The following BLM variants were observed in gnomAD, a reference collection of about 807,000 sequenced individuals.
BLM encodes the protein recQ-like DNA helicase BLM.
BLM carries 95 observed loss-of-function variants against 135.3 expected under a neutral mutation model. The ratio of observed to expected loss-of-function variants is 0.70; its 90% CI spans 0.59 to 0.83. The LOEUF (loss-of-function observed/expected upper bound fraction) is 0.83, where lower values mean the gene tolerates loss of function less well. Ranked by LOEUF, BLM falls within the 40% of genes least tolerant of loss-of-function variation. The pLI, the probability that BLM is intolerant of heterozygous loss-of-function variation, is 0.00. For synonymous variants in BLM, 520 were observed against 589.2 expected (o/e 0.88, Z 1.70); for missense variants, 1,518 against 1,663.9 (o/e 0.91, Z 1.53).
At chr15:90,730,261 T>G (rs1284993802) in intron 1 of BLM, among the ~76,000 whole-genome samples, 1 of 152,212 alleles carries the variant, frequency 6.6e-6, no homozygotes, top group Non-Finnish European at 1.5e-5. Context: ...ACACGCCTTT[T>G]ATTTATTGTT....
intron 20 of BLM, among the ~76,000 whole-genome samples, chr15:90,810,770 A>T (rs756057189): frequency 6.6e-6 from 1 of 152,216 alleles, no homozygotes; most frequent in Non-Finnish European, 1.5e-5. Context: ...AAGATGAGAT[A>T]CAGGACCGTT....
chr15:90,750,394 C>G (rs988030730), intron 3 of BLM, among the ~76,000 whole-genome samples: 1 of 152,162 alleles, frequency 6.6e-6, no homozygotes, highest in African/African-American at 2.4e-5. Context: ...TATTGCATCA[C>G]TTCTCTTGCG....
chr15:90,773,274 A>C (rs1466000293), intron 12 of BLM, among the ~76,000 whole-genome samples: 1 of 151,194 alleles, frequency 6.6e-6, no homozygotes, highest in Non-Finnish European at 1.5e-5. Flanking sequence ...ATAAAAATTA[A>C]CCAGGTGTGG....
chr15:90,800,006 G>T (rs1384158064), intron 17 of BLM, among the ~76,000 whole-genome samples: 1 of 152,210 alleles, frequency 6.6e-6, no homozygotes, highest in Admixed American at 6.5e-5. Context: ...TAAGTGTGGT[G>T]TGAAGTCTTA....
intron 19 of BLM, among the ~76,000 whole-genome samples, chr15:90,806,918 C>T (rs1483474605): frequency 6.6e-6 from 1 of 152,110 alleles, no homozygotes; most frequent in Non-Finnish European, 1.5e-5. Flanking sequence ...TGACACAGTG[C>T]TTTTATTGAA....
At chr15:90,795,303 AC>A (rs1426914155) in intron 16 of BLM, among the ~76,000 whole-genome samples, 28 of 152,310 alleles carry the variant, frequency 1.8e-4, no homozygotes, top group African/African-American at 6.5e-4. Context: ...ACATGGTGAA[AC>A]CTTGTCTCTA....
At chr15:90,782,951 C>T in intron 13 of BLM, 23 bp downstream of exon 13, 1 of 1,550,762 alleles carries the variant, frequency 6.4e-7, no homozygotes, top group Non-Finnish European at 8.9e-7. Context: ...ATGTGATTAG[C>T]TGTCTAGAAG....
Position 90,761,171 on chromosome 15 carries a change from C to T in BLM, c.1798C>T (p.Leu600Phe), listed in dbSNP as rs1466022684. The T allele has an allele frequency of 6.5e-7, 1 of 1,530,094 alleles. No individual in the cohort carries two copies. Among genetic ancestry groups the T allele is most frequent in the East Asian group, 2.3e-5 (1 of 44,304 alleles). 94.8% of individuals were successfully genotyped at this position (1,530,094 alleles called of 1,614,324 possible). ...GRPIKSVSER[L>F]SSAKTDCLPV... ...GCCAATTAAATCAGTATCAGAAAGA[C>T]TTTCCTCAGCCAAGACAGACTGTCT... The change falls in exon 7 of 22, where the codon CTT becomes TTT. Residue 600 changes from leucine to phenylalanine, a missense_variant. Physicochemically the swap from Leu to Phe is conservative, Grantham distance 22. Transcript: ENST00000355112.
chr15:90,758,010 T>C (rs1395752429), intron 5 of BLM, among the ~76,000 whole-genome samples: 5 of 151,686 alleles, frequency 3.3e-5, no homozygotes, highest in Non-Finnish European at 5.9e-5. Flanking sequence ...GCCTCCTGAG[T>C]AGCTGGGACT....
At chr15:90,757,379 C>T (rs1377614385) in intron 5 of BLM, among the ~76,000 whole-genome samples, 2 of 152,148 alleles carry the variant, frequency 1.3e-5, no homozygotes, top group Admixed American at 6.5e-5. Flanking sequence ...GACAAGGAGT[C>T]TTGGGCTAGT....
intron 12 of BLM, among the ~76,000 whole-genome samples, chr15:90,777,527 G>A (rs1896511977): frequency 6.6e-6 from 1 of 152,114 alleles, no homozygotes; most frequent in African/African-American, 2.4e-5. Flanking sequence ...GCAACAAGCT[G>A]AGCTCTAATT....
chr15:90,751,957 TA>T lies in BLM; in HGVS notation c.959+14del, dbSNP rs1225306934. 1 of 1,589,840 alleles carries T rather than the reference TA, an allele frequency of 6.3e-7. No homozygotes were observed. The highest frequency in any genetic ancestry group is 1.1e-5 in the South Asian group (1 of 90,474). On this transcript the variant is annotated intron_variant, in intron 4 of 21. Coordinates refer to ENST00000355112, the MANE Select transcript of BLM (RefSeq NM_000057.4). ...TTCAAAATGCCTTAGGTAAACTAGC[TA>T]AATAATTAGCATTATTATTTGTTTC...
At chr15:90,787,077 TCTCA>T (rs1477569635) in intron 14 of BLM, among the ~76,000 whole-genome samples, 1 of 107,750 alleles carries the variant, frequency 9.3e-6, no homozygotes, top group African/African-American at 3.8e-5. Flanking sequence ...GAGACGGGAG[TCTCA>T]CTCTGTCGCC....
chr15:90,811,200 T>C lies in BLM; in HGVS notation c.3875-5T>C, dbSNP rs1596273395. ...CCTGTAAACATCTGCATTTTCCATTTGTAGCTGAAGACAGTTCCCCAGGGA... is the reference window on the plus strand; with the variant it reads ...CCTGTAAACATCTGCATTTTCCATTCGTAGCTGAAGACAGTTCCCCAGGGA... On this transcript the variant is annotated splice_region_variant and splice_polypyrimidine_tract_variant and intron_variant, in intron 20 of 21. Transcript: ENST00000355112. The C allele has an allele frequency of 1.2e-6, 2 of 1,612,848 alleles. No individual in the cohort carries two copies. Among genetic ancestry groups the C allele is most frequent in the East Asian group, 2.2e-5 (1 of 44,890 alleles).
In BLM at chr15:90,721,729, G is replaced by A. The variant is rs560181235; in HGVS notation, c.-5+4289G>A. Among the ~76,000 whole-genome samples the A allele has an allele frequency of 7.2e-4, 109 of 151,504 alleles. 1 individual carries two copies. Among genetic ancestry groups the A allele is most frequent in the African/African-American group, 2.5e-3 (104 of 41,350 alleles). ...GGGCGGATCATGAGGTCAGGAGTTC[G>A]AGACCAGTGTGGCCAACATGATGAA... On this transcript the variant is annotated intron_variant, in intron 1 of 21. Transcript: ENST00000355112.
intron 1 of BLM, among the ~76,000 whole-genome samples, chr15:90,741,035 C>T (rs1219139533): frequency 6.6e-6 from 1 of 152,170 alleles, no homozygotes; most frequent in Non-Finnish European, 1.5e-5. Context: ...TCCAAAGTGG[C>T]TGTGCCATTT....
rs1897298681 is a variant in BLM, at chr15:90,806,915, G to A, written c.3752-2222G>A. ...ATTCTGCTAATTAAACTATGACACA[G>A]TGCTTTTATTGAAAAAATTGTGTTT... On this transcript the variant is annotated intron_variant, in intron 19 of 21. Coordinates refer to ENST00000355112, the MANE Select transcript of BLM (RefSeq NM_000057.4). 5.9e-5 allele frequency among the ~76,000 whole-genome samples: 9 copies of A among 152,174 alleles called. No individual in the cohort carries two copies. In the South Asian group the frequency reaches 1.9e-3, roughly 31 times the overall value.
chr15:90,745,436 G>A (rs1033837092), intron 1 of BLM, among the ~76,000 whole-genome samples: 1 of 152,048 alleles, frequency 6.6e-6, no homozygotes, highest in Non-Finnish European at 1.5e-5. Context: ...TTGAAACAGG[G>A]TCTTGCTCTG....
chr15:90,789,832 C>T (rs1896852343), intron 14 of BLM, among the ~76,000 whole-genome samples: 1 of 151,820 alleles, frequency 6.6e-6, no homozygotes, highest in African/African-American at 2.4e-5. Flanking sequence ...TGTAATTTTG[C>T]CTGGAGATAT....
Sources: gnomAD v4.1 joint callset for allele counts (sites outside exome capture counted in the v4.1 genomes callset) on GRCh38, gnomAD v4.1.1 for gene constraint, MANE v1.5 for transcripts, NCBI Gene and HGNC (gene_info 2026-07-23, HGNC 2026-07-21) for gene names.